The following UNC5A variants were observed in gnomAD, a reference collection of about 807,000 sequenced individuals.
UNC5A encodes the protein netrin receptor UNC5A.
In UNC5A, 20 loss-of-function variants were observed where a neutral mutation model predicts 87.4. That is an observed-to-expected ratio of 0.23 (90% CI 0.16 to 0.33). The LOEUF is 0.33. Ranked by LOEUF, UNC5A falls within the 10% of genes least tolerant of loss-of-function variation. The probability of loss-of-function intolerance (pLI) is 1.00; values close to 1 mark genes in which losing one functional copy is unlikely to be tolerated. For missense variants in UNC5A, 844 were observed against 1,133.4 expected (o/e 0.74, Z 3.67); for synonymous variants, 438 against 482.3 (o/e 0.91, Z 1.20).
intron 1 of UNC5A, among the ~76,000 whole-genome samples, chr5:176,828,674 A>G (rs1756912082): frequency 6.6e-6 from 1 of 152,066 alleles, no homozygotes. Flanking sequence ...GACTTTCTTG[A>G]CTTACTTACT....
At chr5:176,839,385 GA>G (rs1757216787) in intron 1 of UNC5A, among the ~76,000 whole-genome samples, 2 of 152,250 alleles carry the variant, frequency 1.3e-5, no homozygotes, top group Non-Finnish European at 2.9e-5. Context: ...CGCAGGCAGT[GA>G]GGAGAGTGGA....
chr5:176,837,039 A>G (rs1253994458), intron 1 of UNC5A, among the ~76,000 whole-genome samples: 3 of 152,214 alleles, frequency 2.0e-5, no homozygotes, highest in Non-Finnish European at 4.4e-5. Flanking sequence ...TTTAGGAACA[A>G]CTTGTCCCTG....
rs887180297 is a variant in UNC5A at position 176,877,780 on chromosome 5, G to A, written c.1635+77G>A. On this transcript the variant is annotated intron_variant, in intron 10 of 14. Coordinates refer to ENST00000329542, the MANE Select transcript of UNC5A (RefSeq NM_133369.3). The stretch of plus-strand genomic sequence containing the variant: ...GCTCCACCCGGCCTTCCACCGCTGG[G>A]TGGTCCTGAGCCGCACCCCCACCCC... The A allele has an allele frequency of 5.9e-6, 9 of 1,521,668 alleles. No individual in the cohort carries two copies. The African/African-American group carries it at 1.2e-4, about 21-fold the overall frequency. The allele number at this position is 1,521,668 out of a possible 1,614,324, so 94.3% of individuals were successfully genotyped here. A position where few individuals can be genotyped will look rare whatever the true frequency, so the allele number is the denominator to read the frequency against.
Position 176,874,401 on chromosome 5 carries a change from G to T in UNC5A, c.1213G>T (p.Gly405Cys), listed in dbSNP as rs111558106. Residue 405 changes from glycine to cysteine, a missense_variant, in exon 8 of 15, where the codon GGC (glycine) becomes TGC (cysteine). Transcript: ENST00000329542. The surrounding 1 kb of genome is among the most constrained non-coding windows in gnomAD (Gnocchi z 7.6). ...TNGHLLSPLGGGRHTLHHSSP... is the reference protein window; with the variant it reads ...TNGHLLSPLGCGRHTLHHSSP... ...TGGGCACCTGCTCAGCCCCCTGGGT[G>T]GCGGCCGCCACACACTGCACCACAG... is the stretch of plus-strand genomic sequence containing the variant. The T allele has an allele frequency of 6.2e-7, 1 of 1,613,600 alleles. No individual in the cohort carries two copies.
At chr5:176,825,659 C>T (rs1049264705) in intron 1 of UNC5A, among the ~76,000 whole-genome samples, 2 of 152,142 alleles carry the variant, frequency 1.3e-5, no homozygotes, top group African/African-American at 2.4e-5. Context: ...CGAAAGCTCT[C>T]GATGGGTAGC....
chr5:176,837,090 C>T (rs542005800), intron 1 of UNC5A, among the ~76,000 whole-genome samples: 3 of 152,252 alleles, frequency 2.0e-5, no homozygotes, highest in South Asian at 4.1e-4. Context: ...CTCACTGTGC[C>T]GTGAAATTGC....
At chr5:176,837,791 C>T (rs1382254819) in intron 1 of UNC5A, among the ~76,000 whole-genome samples, 1 of 151,582 alleles carries the variant, frequency 6.6e-6, no homozygotes, top group Non-Finnish European at 1.5e-5. Flanking sequence ...GTGGACAGCC[C>T]CAGGCGCTCC....
At chr5:176,850,307 G>T (rs748837851) in intron 1 of UNC5A, among the ~76,000 whole-genome samples, 2 of 152,222 alleles carry the variant, frequency 1.3e-5, no homozygotes, top group Non-Finnish European at 2.9e-5. Flanking sequence ...TGTGTTAGTT[G>T]TATGGGAACC....
chr5:176,862,921 G>A, intron 2 of UNC5A, 76 bp downstream of exon 2: 3 of 1,550,630 alleles, frequency 1.9e-6, no homozygotes, highest in South Asian at 2.3e-5. Context: ...GCCTGCAGCT[G>A]CCCCCAGGAT....
chr5:176,830,960 G>T, intron 1 of UNC5A, among the ~76,000 whole-genome samples: 1 of 149,832 alleles, frequency 6.7e-6, no homozygotes, highest in South Asian at 2.1e-4. Flanking sequence ...ATGTGCCGGC[G>T]TGTGTGTGTG....
rs549481034 is a variant in UNC5A, at chr5:176,880,656, G to C, written c.*770G>C. ...AGGTGCCCTGCCCGGCGGGGCCTGT[G>C]AATATGCAATGGGAGTCCCAGGCTG... On this transcript the variant is annotated 3_prime_UTR_variant, in exon 15 of 15. Coordinates refer to ENST00000329542, the MANE Select transcript of UNC5A (RefSeq NM_133369.3). 5 of 159,916 alleles carry C rather than the reference G, an allele frequency of 3.1e-5. No individual in the cohort carries two copies. The highest frequency in any genetic ancestry group is 2.5e-4 in the Admixed American group (4 of 15,734). 9.9% of individuals were successfully genotyped at this position (159,916 alleles called of 1,614,324 possible).
chr5:176,839,034 T>C (rs1757206299), intron 1 of UNC5A, among the ~76,000 whole-genome samples: 1 of 152,198 alleles, frequency 6.6e-6, no homozygotes, highest in Admixed American at 6.5e-5. Flanking sequence ...TGTCCAGTCA[T>C]GGAGTGTGTT....
chr5:176,834,008 C>T (rs1757089105), intron 1 of UNC5A, among the ~76,000 whole-genome samples: 1 of 152,140 alleles, frequency 6.6e-6, no homozygotes. Flanking sequence ...CCGGCCCAGT[C>T]ACACAGCCTC....
intron 1 of UNC5A, among the ~76,000 whole-genome samples, chr5:176,842,909 C>A (rs1757310388): frequency 6.6e-6 from 1 of 151,886 alleles, no homozygotes; most frequent in Admixed American, 6.6e-5. Context: ...CACCTGTAAT[C>A]CCAACACTTT....
chr5:176,837,064 C>T (rs1210897372), intron 1 of UNC5A, among the ~76,000 whole-genome samples: 2 of 152,196 alleles, frequency 1.3e-5, no homozygotes, highest in African/African-American at 4.8e-5. Flanking sequence ...ACGAGGGTGC[C>T]TTCCCTCTCA....
chr5:176,876,425 G>A (rs1758263189), intron 8 of UNC5A, among the ~76,000 whole-genome samples: 2 of 152,192 alleles, frequency 1.3e-5, no homozygotes. Context: ...TGAGCTGGGA[G>A]CCCCTCCTCA....
rs1756799753 is a variant in UNC5A at position 176,824,300 on chromosome 5, GC to G, written c.70+13484del. 6.6e-6 allele frequency among the ~76,000 whole-genome samples: 1 copy of G among 152,198 alleles called. No homozygotes were observed. Among genetic ancestry groups the G allele is most frequent in the Non-Finnish European group, 1.5e-5 (1 of 68,034 alleles). ...GCGGAGGGAGGAGGCTGTCCCAGTG[GC>G]CCCGAGGCCCTGAGGCTCTGGTCCC... On this transcript the variant is annotated intron_variant, in intron 1 of 14. Coordinates refer to ENST00000329542, the MANE Select transcript of UNC5A (RefSeq NM_133369.3). This position sits in a 1 kb window ranked among gnomAD's most constrained non-coding sequence, Gnocchi z 4.2.
chr5:176,822,892 G>A (rs1351039693), intron 1 of UNC5A, among the ~76,000 whole-genome samples: 1 of 152,164 alleles, frequency 6.6e-6, no homozygotes, highest in African/African-American at 2.4e-5. Context: ...GACGGTGCCT[G>A]TGGGGTGCCA....
chr5:176,873,347 T>C (rs1758178897), intron 6 of UNC5A, among the ~76,000 whole-genome samples: 2 of 151,812 alleles, frequency 1.3e-5, no homozygotes, highest in African/African-American at 4.8e-5. Context: ...GAACATACCC[T>C]CCCCCATTCT....
Sources: gnomAD v4.1 joint callset for allele counts (sites outside exome capture counted in the v4.1 genomes callset) on GRCh38, gnomAD v4.1.1 for gene constraint, Gnocchi (gnomAD v3.1) non-coding constraint, MANE v1.5 for transcripts, NCBI Gene and HGNC (gene_info 2026-07-23, HGNC 2026-07-21) for gene names.